Variants in TOP3B observed in about 807,000 individuals in gnomAD.
TOP3B encodes DNA topoisomerase III beta.
Under a neutral mutation model 93.9 loss-of-function variants are expected in TOP3B, and 45 were observed. The observed-to-expected ratio is 0.48, with a 90% CI of 0.38 to 0.61. TOP3B has a LOEUF of 0.61. Ranked by LOEUF, TOP3B falls within the 20% of genes least tolerant of loss-of-function variation. TOP3B has a pLI of 0.00. For missense variants in TOP3B, 750 were observed against 1,156.1 expected (o/e 0.65, Z 5.09); for synonymous variants, 357 against 472.6 (o/e 0.76, Z 3.17).
chr22:21,968,867 G>T, intron 6 of TOP3B, 92 bp from the exon 7 acceptor site: 3 of 1,425,370 alleles, frequency 2.1e-6, no homozygotes, highest in Non-Finnish European at 2.9e-6. Flanking sequence ...CAGGGGTGGT[G>T]CATGAAGGAG....
intron 1 of TOP3B, among the ~76,000 whole-genome samples, chr22:21,981,454 C>G (rs535498220): frequency 6.6e-6 from 1 of 152,328 alleles, no homozygotes; most frequent in African/African-American, 2.4e-5. Flanking sequence ...TCTACTTATT[C>G]AGCTCTTGTC....
At chr22:21,977,569 G>A (rs1353529554) in intron 1 of TOP3B, 5 of 147,504 alleles carry the variant, frequency 3.4e-5, no homozygotes, top group African/African-American at 2.5e-5. Flanking sequence ...AAACCACCAC[G>A]TAAGTACCTT....
rs777874441 is a variant in TOP3B at position 21,962,790 on chromosome 22, C to A, written c.1308G>T (p.Gly436=). Residue 436 remains glycine, a synonymous_variant, in exon 12 of 18, where the codon GGG becomes GGT. Transcript: ENST00000357179. ...TCCCGGAGCAGGTGAAGAGCTCGGG[C>A]CCAATTCTGAAGGAGATGGTGCTCT... The part of the protein sequence containing the change: ...YLQSTISFRI[G]PELFTCSGKT... 1 of 1,613,416 alleles carries A rather than the reference C, an allele frequency of 6.2e-7. No individual in the cohort carries two copies.
intron 9 of TOP3B, 199 bp from the exon 10 acceptor site, chr22:21,964,514 C>T: frequency 3.2e-6 from 2 of 620,804 alleles, no homozygotes; most frequent in Non-Finnish European, 5.6e-6. Context: ...AGGCTGAATC[C>T]CGCACCCGTA....
At chr22:21,972,947 A>C (rs906783023) in intron 3 of TOP3B, 1 of 513,336 alleles carries the variant, frequency 1.9e-6, no homozygotes, top group Non-Finnish European at 3.5e-6. Flanking sequence ...CGGACCCACC[A>C]CACCCCGGCC....
intron 7 of TOP3B, 24 bp from the exon 8 acceptor site, chr22:21,967,740 G>A (rs1317131581): frequency 6.3e-7 from 1 of 1,586,800 alleles, no homozygotes; most frequent in South Asian, 1.1e-5. Context: ...GATAAAGGGT[G>A]AACGCACAAG....
At position 21,960,345 on chromosome 22, in the gene TOP3B, G is replaced by C; in HGVS notation, c.1630C>G (p.Leu544Val). 2 of 1,613,654 alleles carry C rather than the reference G, an allele frequency of 1.2e-6. No individual in the cohort carries two copies. The highest frequency in any genetic ancestry group is 1.7e-6 in the Non-Finnish European group (2 of 1,179,978). Residue 544 changes from leucine to valine, a missense_variant, in exon 14 of 18, where the codon CTG (leucine) becomes GTG (valine). Physicochemically the swap from Leu to Val is conservative, Grantham distance 32. Transcript: ENST00000357179. ...CCAATCTTATAGTAGCCGTGCACCA[G>C]GACGATGCCGAGGTTGGTGGGCTTG... is the stretch of plus-strand genomic sequence containing the variant. ...RLKPTNLGIV[L>V]VHGYYKIDAE...
Position 21,970,910 on chromosome 22 carries a change from G to T in TOP3B, c.385-504C>A. 1 of 875,694 alleles carries T rather than the reference G, an allele frequency of 1.1e-6. No individual in the cohort carries two copies. The highest frequency in any genetic ancestry group is 1.5e-6 in the Non-Finnish European group (1 of 684,426). The allele number at this position is 875,694 out of a possible 1,614,324, so 54.2% of individuals were successfully genotyped here. A position where few individuals can be genotyped will look rare whatever the true frequency, so the allele number is the denominator to read the frequency against. ...AAATGGGCAAGAGCAGGAAGGCCAC[G>T]GGTGGTCCTAGCTTGTGGTGGGGGC... On this transcript the variant is annotated intron_variant, in intron 5 of 17. Transcript: ENST00000357179. This position sits in a 1 kb window ranked among gnomAD's most constrained non-coding sequence, Gnocchi z 4.4.
chr22:21,975,735 T>C lies in TOP3B; in HGVS notation c.-26A>G, dbSNP rs762474. On this transcript the variant is annotated 5_prime_UTR_variant, in exon 2 of 18. Transcript: ENST00000357179. ...TTTGTCTCGGTCCTTCACACTCCAGTTTCGGGGCACTGGCAATGAAAAAGT... is the reference window on the plus strand; with the variant it reads ...TTTGTCTCGGTCCTTCACACTCCAGCTTCGGGGCACTGGCAATGAAAAAGT... 1 of 1,592,978 alleles carries C rather than the reference T, an allele frequency of 6.3e-7. No individual in the cohort carries two copies. The highest frequency in any genetic ancestry group is 1.1e-5 in the South Asian group (1 of 90,120).
At position 21,962,442 on chromosome 22, in the gene TOP3B, C is replaced by T. The variant is rs1371976243; in HGVS notation, c.1512G>A (p.Glu504=). 1.2e-6 allele frequency: 2 copies of T among 1,613,658 alleles called. No homozygotes were observed. Among genetic ancestry groups the T allele is most frequent in the Non-Finnish European group, 1.7e-6 (2 of 1,180,028 alleles). Residue 504 remains glutamate, a synonymous_variant, in exon 13 of 18, where the codon GAG becomes GAA. Transcript: ENST00000357179. ...AGGCGCACCCACCGATGCCATGCTT[C>T]TCCATGAGCGTGATGAGCTCGGCCT... The part of the protein sequence containing the change: ...LTEAELITLM[E]KHGIGTDASI...
chr22:21,965,342 G>A lies in TOP3B; in HGVS notation c.886C>T (p.Gln296Ter), dbSNP rs1235481520. 1.2e-6 allele frequency: 2 copies of A among 1,608,188 alleles called. No individual in the cohort carries two copies. Among genetic ancestry groups the A allele is most frequent in the Non-Finnish European group, 8.5e-7 (1 of 1,177,324 alleles). ...ACAGTGTTCAGGGCCAGGGGCCTCT[G>A]CTTGGCCTTTTCTTTCCTGCTTGTG... The part of the protein sequence containing the change: ...EATSRKEKAK[Q>*]RPLALNTVEM... Residue 296 changes from glutamine to a stop codon, truncating the protein, a stop_gained, in exon 9 of 18, where the codon CAG (glutamine) becomes TAG (stop). Transcript: ENST00000357179. LOFTEE classifies it high-confidence loss of function.
chr22:21,967,706 T>A lies in TOP3B; in HGVS notation c.749A>T (p.Asp250Val), dbSNP rs2145853571. 3 of 1,613,814 alleles carry A rather than the reference T, an allele frequency of 1.9e-6. No homozygotes were observed. The highest frequency in any genetic ancestry group is 2.5e-6 in the Non-Finnish European group (3 of 1,179,766). Residue 250 changes from aspartate (D) to valine (V), a missense_variant, in exon 8 of 18, where the codon GAC (aspartate) becomes GTC (valine). Asp to Val is a radical substitution (Grantham distance 152). Around this residue, in one of 4 missense-constraint regions of TOP3B, gnomAD observed 737 missense variants for 933.7 expected, o/e 0.79. Coordinates refer to ENST00000357179, the MANE Select transcript of TOP3B (RefSeq NM_001282112.2). ...GTCCAAAAGGAGAGATCTGTCTTTG[T>A]CAGTGTTAACCTGCAGGAAAAAGGA... ...YWVLQAKVNT[D>V]KDRSLLLDWD... is the part of the protein sequence containing the mutation.
intron 17 of TOP3B, 136 bp downstream of exon 17, chr22:21,958,356 T>C: frequency 6.6e-7 from 1 of 1,511,010 alleles, no homozygotes; most frequent in South Asian, 1.3e-5. Context: ...ATCCAGGGTC[T>C]CTCGTCTCAG....
Position 21,974,421 on chromosome 22 carries a change from A to C in TOP3B, c.138T>G (p.Ala46=). The change falls in exon 3 of 18, where the codon GCT becomes GCG. Residue 46 remains alanine, a synonymous_variant. Coordinates refer to ENST00000357179, the MANE Select transcript of TOP3B (RefSeq NM_001282112.2). The part of the protein sequence containing the change: ...CSVHEYTGTF[A]GQPVRFKMTS... ...TCATCTTGAAGCGCACTGGCTGGCC[A>C]GCAAAGGTCCCAGTGTACTCGTGGA... 6.2e-7 allele frequency: 1 copy of C among 1,614,192 alleles called. No homozygotes were observed. The highest frequency in any genetic ancestry group is 8.5e-7 in the Non-Finnish European group (1 of 1,180,010).
chr22:21,961,816 G>T (rs144818732), intron 13 of TOP3B: 1 of 163,378 alleles, frequency 6.1e-6, no homozygotes, highest in Non-Finnish European at 1.3e-5. Flanking sequence ...AGAAGGCTCC[G>T]GCAGTGAGGC....
At chr22:21,977,137 AC>A (rs2071906313) in intron 1 of TOP3B, 1 of 152,094 alleles carries the variant, frequency 6.6e-6, no homozygotes, top group South Asian at 2.1e-4. Flanking sequence ...CCATGACTGC[AC>A]CTGTGGATAG....
intron 2 of TOP3B, chr22:21,975,310 C>G (rs773686103): frequency 4.4e-6 from 1 of 226,694 alleles, no homozygotes; most frequent in Non-Finnish European, 8.8e-6. Flanking sequence ...CAGACCTTGA[C>G]TGGGGTGTAG....
chr22:21,959,088 C>G, intron 16 of TOP3B, 44 bp downstream of exon 16: 1 of 1,608,534 alleles, frequency 6.2e-7, no homozygotes, highest in Non-Finnish European at 8.5e-7. Context: ...CTGAGGCCTA[C>G]AGGGGTGAGG....
chr22:21,958,291 T>G, intron 17 of TOP3B: 1 of 1,427,958 alleles, frequency 7.0e-7, no homozygotes, highest in Non-Finnish European at 9.2e-7. Context: ...TGCTCGATTC[T>G]GACACAGAGA....
Sources: allele counts gnomAD v4.1 joint callset (sites outside exome capture counted in the v4.1 genomes callset), GRCh38; gene constraint gnomAD v4.1.1; regional missense constraint gnomAD v4.1.1; non-coding constraint Gnocchi (gnomAD v3.1); transcripts MANE v1.5; gene names NCBI Gene and HGNC (gene_info 2026-07-23, HGNC 2026-07-21).